Variants in PCDH15 observed in about 807,000 individuals in gnomAD.
PCDH15 encodes the protein protocadherin-15.
PCDH15 carries 129 observed loss-of-function variants against 178.5 expected under a neutral mutation model. The observed-to-expected ratio is 0.72, with a 90% confidence interval of 0.63 to 0.84. PCDH15 has a LOEUF of 0.84. PCDH15 is among the 40% of genes least tolerant of loss of function. PCDH15 has a pLI of 0.00. For synonymous variants in PCDH15, 800 were observed against 732.0 expected (o/e 1.09, Z -1.50); for missense variants, 2,230 against 2,099.9 (o/e 1.06, Z -1.21).
In PCDH15 at chr10:55,263,629, G is replaced by A. The variant is rs140451547; in HGVS notation, c.-156+55970C>T. On this transcript the variant is annotated intron_variant, in intron 1 of 5. Coordinates refer to the PCDH15 transcript ENST00000458638. ...GCCAACAGAATGTTTCTCCACTGGGGGAAGGATGTAAGGATTAGAGGGACT... is the reference window on the plus strand; with the variant it reads ...GCCAACAGAATGTTTCTCCACTGGGAGAAGGATGTAAGGATTAGAGGGACT... Among the ~76,000 whole-genome samples, 480 of 152,096 alleles carry A rather than the reference G, an allele frequency of 3.2e-3. 1 individual carries two copies. The highest frequency in any genetic ancestry group is 0.011 in the African/African-American group (457 of 41,382).
chr10:54,779,079 A>T (rs547892596), intron 1 of PCDH15, among the ~76,000 whole-genome samples: 1 of 152,124 alleles, frequency 6.6e-6, no homozygotes, highest in Admixed American at 6.6e-5. Context: ...AGAATCTAAT[A>T]CCCTTTTAAG....
At chr10:53,965,388 C>T (rs2088898513) in intron 21 of PCDH15, among the ~76,000 whole-genome samples, 1 of 152,150 alleles carries the variant, frequency 6.6e-6, no homozygotes. Flanking sequence ...ATAATAAAAT[C>T]TAGGCTTTAA....
intron 10 of PCDH15, among the ~76,000 whole-genome samples, chr10:54,208,285 T>C (rs2051037194): frequency 6.6e-6 from 1 of 152,058 alleles, no homozygotes; most frequent in Non-Finnish European, 1.5e-5. Context: ...GAGACCTGGC[T>C]ATTGGGGTAG....
intron 18 of PCDH15, among the ~76,000 whole-genome samples, chr10:54,062,207 A>C (rs903895580): frequency 1.4e-5 from 2 of 138,948 alleles, no homozygotes; most frequent in Non-Finnish European, 3.1e-5. Flanking sequence ...AGCCTGGGTG[A>C]CAAGAGTGAG....
intron 25 of PCDH15, among the ~76,000 whole-genome samples, chr10:53,922,472 C>A (rs1157919253): frequency 2.0e-5 from 3 of 152,128 alleles, no homozygotes; most frequent in Non-Finnish European, 4.4e-5. Context: ...AAGATCAGAA[C>A]TGGGTATGGA....
chr10:54,816,200 T>C (rs1036529580), intron 3 of PCDH15, among the ~76,000 whole-genome samples: 3 of 152,068 alleles, frequency 2.0e-5, no homozygotes, highest in East Asian at 3.8e-4. Context: ...GTGCCTGACA[T>C]ATTGGAGATG....
At chr10:55,281,254 A>G (rs1022930751) in intron 1 of PCDH15, among the ~76,000 whole-genome samples, 1 of 152,092 alleles carries the variant, frequency 6.6e-6, no homozygotes, top group East Asian at 1.9e-4. Flanking sequence ...AAGAAAAATA[A>G]TTTATAATCT....
intron 3 of PCDH15, among the ~76,000 whole-genome samples, chr10:54,435,152 T>C (rs775572698): frequency 7.9e-5 from 12 of 152,198 alleles, no homozygotes; most frequent in Non-Finnish European, 1.6e-4. Context: ...TTATGTGATT[T>C]CCTCCCTTCT....
At position 54,554,194 on chromosome 10, in the gene PCDH15, T is replaced by C. The variant is rs374569076; in HGVS notation, c.92-26317A>G. ...AATACCCTTTTGCCTTACTCCATTT[T>C]CTCACCTGGCCCCTTACCTCCTGGA... On this transcript the variant is annotated intron_variant, in intron 2 of 37. Coordinates refer to ENST00000644397, the MANE Select transcript of PCDH15 (RefSeq NM_001384140.1). Among the ~76,000 whole-genome samples, 7 of 152,274 alleles carry C rather than the reference T, an allele frequency of 4.6e-5. No individual in the cohort carries two copies. In the East Asian group the frequency reaches 1.2e-3, roughly 25 times the overall value.
At chr10:54,194,858 A>T (rs895922914) in intron 11 of PCDH15, among the ~76,000 whole-genome samples, 3 of 152,086 alleles carry the variant, frequency 2.0e-5, no homozygotes, top group African/African-American at 7.2e-5. Flanking sequence ...TTAAAACTTA[A>T]AAGACAGGCA....
At chr10:54,902,246 T>C (rs972195052) in intron 2 of PCDH15, among the ~76,000 whole-genome samples, 3 of 152,224 alleles carry the variant, frequency 2.0e-5, no homozygotes, top group African/African-American at 7.2e-5. Flanking sequence ...GATGCACGTG[T>C]CACTATCCTA....
chr10:54,663,919 T>C (rs376492584), intron 2 of PCDH15, among the ~76,000 whole-genome samples: 15 of 152,104 alleles, frequency 9.9e-5, no homozygotes, highest in East Asian at 9.7e-4. Flanking sequence ...AGAATAAGCA[T>C]TCAAACAGAG....
At chr10:54,984,375 A>G (rs544345356) in intron 2 of PCDH15, among the ~76,000 whole-genome samples, 5 of 152,272 alleles carry the variant, frequency 3.3e-5, no homozygotes, top group Admixed American at 3.3e-4. Flanking sequence ...GACTCTCATT[A>G]CAGAGAGATC....
intron 11 of PCDH15, 92 bp downstream of exon 11, chr10:54,195,591 T>C (rs1282609897): frequency 4.6e-6 from 5 of 1,092,196 alleles, no homozygotes; most frequent in East Asian, 2.4e-5. Flanking sequence ...CTCTCTTCTC[T>C]AGCTTATGTA....
chr10:55,071,430 A>G (rs2132013618), intron 2 of PCDH15, among the ~76,000 whole-genome samples: 1 of 152,278 alleles, frequency 6.6e-6, no homozygotes, highest in Admixed American at 6.5e-5. Flanking sequence ...AAACAAAAAA[A>G]GGCAGGGGTT....
intron 3 of PCDH15, among the ~76,000 whole-genome samples, chr10:54,432,894 C>A (rs1385085222): frequency 1.3e-5 from 2 of 151,576 alleles, no homozygotes; most frequent in South Asian, 2.1e-4. Context: ...ATTGATAACC[C>A]AGTTAAAATT....
At chr10:55,208,305 C>G (rs1362501961) in intron 1 of PCDH15, among the ~76,000 whole-genome samples, 1 of 152,028 alleles carries the variant, frequency 6.6e-6, no homozygotes, top group Non-Finnish European at 1.5e-5. Context: ...CTTGTTCCAT[C>G]CTTTGTTGCC....
At chr10:54,364,080 C>T (rs972063239) in intron 5 of PCDH15, among the ~76,000 whole-genome samples, 8 of 151,844 alleles carry the variant, frequency 5.3e-5, no homozygotes, top group East Asian at 1.9e-4. Flanking sequence ...GGTGTGGTGG[C>T]GCATGCCTGT....
At chr10:53,877,197 C>T (rs374806316) in intron 26 of PCDH15, among the ~76,000 whole-genome samples, 50 of 151,824 alleles carry the variant, frequency 3.3e-4, no homozygotes, top group Middle Eastern at 3.4e-3. Flanking sequence ...ATAAATATTA[C>T]CCTATAAATG....
Sources: allele counts gnomAD v4.1 joint callset (sites outside exome capture counted in the v4.1 genomes callset), GRCh38; gene constraint gnomAD v4.1.1; transcripts MANE v1.5; gene names NCBI Gene and HGNC (gene_info 2026-07-23, HGNC 2026-07-21).